ZNF569: variants seen among roughly 807,000 people sequenced by gnomAD.
ZNF569 encodes zinc finger protein 569, also known as DNA-binding protein.
ZNF569 carries 38 observed loss-of-function variants against 56.3 expected under a neutral mutation model. The ratio of observed to expected loss-of-function variants is 0.68; its 90% CI spans 0.52 to 0.88. The LOEUF (loss-of-function observed/expected upper bound fraction) is 0.88. Among genes scored for constraint, ZNF569 ranks in the 40% least tolerant of loss-of-function variants. The probability of loss-of-function intolerance (pLI) is 0.00; values close to 1 mark genes in which losing one functional copy is unlikely to be tolerated. For missense variants in ZNF569, 666 were observed against 809.2 expected, an observed-to-expected ratio of 0.82 and a Z score of 2.15; for synonymous variants, 241 against 262.9, an observed-to-expected ratio of 0.92 and a Z score of 0.81.
At chr19:37,415,797 G>A (rs546095290) in intron 5 of ZNF569, among the ~76,000 whole-genome samples, 20 of 151,194 alleles carry the variant, frequency 1.3e-4, no homozygotes, top group South Asian at 2.1e-4. Context: ...GGAGAATGGC[G>A]TGAACCTGTG....
intron 1 of ZNF569, among the ~76,000 whole-genome samples, 163 bp from the exon 2 acceptor site, chr19:37,465,636 T>C (rs569611851): frequency 9.2e-5 from 14 of 152,346 alleles, no homozygotes; most frequent in African/African-American, 2.9e-4. Context: ...AGAATATCCA[T>C]TGTTATCAAC....
At chr19:37,444,567 A>C (rs542626003) in intron 3 of ZNF569, among the ~76,000 whole-genome samples, 2 of 152,280 alleles carry the variant, frequency 1.3e-5, no homozygotes, top group East Asian at 3.9e-4. Context: ...GTAACACTAC[A>C]ATGTTTTCAT....
intron 3 of ZNF569, among the ~76,000 whole-genome samples, chr19:37,434,888 A>G (rs1406535734): frequency 6.6e-6 from 1 of 152,228 alleles, no homozygotes; most frequent in Non-Finnish European, 1.5e-5. Context: ...TACAAGAACT[A>G]ATGATAATCC....
chr19:37,425,818 CATT>C (rs1568723761), intron 5 of ZNF569, 47 bp downstream of exon 5: 1 of 1,400,188 alleles, frequency 7.1e-7, no homozygotes, highest in South Asian at 1.2e-5. Flanking sequence ...ACTGATTAAT[CATT>C]AATAGGCCCT....
chr19:37,416,617 CATT>C (rs1426633916), intron 5 of ZNF569, among the ~76,000 whole-genome samples: 26 of 152,160 alleles, frequency 1.7e-4, no homozygotes, highest in South Asian at 1.5e-3. Context: ...CTATGTAAAT[CATT>C]GTTATACTAT....
intron 2 of ZNF569, among the ~76,000 whole-genome samples, chr19:37,459,930 C>G (rs528904310): frequency 6.6e-6 from 1 of 151,546 alleles, no homozygotes; most frequent in East Asian, 1.9e-4. Context: ...TAGGGTGACA[C>G]TAAAATTTTT....
Position 37,413,569 on chromosome 19 carries a change from G to A in ZNF569, c.1089C>T (p.Phe363=). 2 of 1,613,434 alleles carry A rather than the reference G, an allele frequency of 1.2e-6. No individual in the cohort carries two copies. Among genetic ancestry groups the A allele is most frequent in the South Asian group, 2.2e-5 (2 of 90,970 alleles). Residue 363 remains phenylalanine (F), a synonymous_variant, in exon 6 of 6, where the codon TTC becomes TTT. Coordinates refer to ENST00000316950, the MANE Select transcript of ZNF569 (RefSeq NM_152484.3). ...GTATAATAAGCATGGAAAACTGAGA[G>A]AAGGCTTTACCACATTTATCACATT... The part of the protein sequence containing the change: ...PYKCDKCGKA[F]SQFSMLIIHV...
chr19:37,424,518 A>G (rs1297041345), intron 5 of ZNF569, among the ~76,000 whole-genome samples: 1 of 152,064 alleles, frequency 6.6e-6, no homozygotes, highest in Non-Finnish European at 1.5e-5. Flanking sequence ...TTTGTACTAC[A>G]AAAGTGTACA....
intron 3 of ZNF569, among the ~76,000 whole-genome samples, chr19:37,427,077 G>C (rs2041145591): frequency 1.3e-5 from 2 of 152,200 alleles, no homozygotes; most frequent in African/African-American, 4.8e-5. Flanking sequence ...CAGCACTTTA[G>C]GAGACTGAGA....
chr19:37,468,710 G>C (rs2041895649), upstream of ZNF569, among the ~76,000 whole-genome samples: 2 of 152,170 alleles, frequency 1.3e-5, no homozygotes. Flanking sequence ...GTTTCACCAT[G>C]TTGGTCAGGC....
chr19:37,418,635 C>T (rs1209447329), intron 5 of ZNF569, among the ~76,000 whole-genome samples: 1 of 152,000 alleles, frequency 6.6e-6, no homozygotes, highest in East Asian at 1.9e-4. Flanking sequence ...AGAAGTCATG[C>T]ACCATGAAAG....
chr19:37,423,700 A>T (rs1451518747), intron 5 of ZNF569, among the ~76,000 whole-genome samples: 4 of 152,226 alleles, frequency 2.6e-5, no homozygotes, highest in African/African-American at 7.2e-5. Context: ...GTTCATACAA[A>T]TTAAGAACTT....
intron 3 of ZNF569, among the ~76,000 whole-genome samples, chr19:37,429,493 G>T (rs549553367): frequency 6.6e-6 from 1 of 152,338 alleles, no homozygotes; most frequent in East Asian, 1.9e-4. Flanking sequence ...TCTATCACAG[G>T]CAGTCAAGTG....
chr19:37,461,570 G>T (rs1339750863), intron 2 of ZNF569, among the ~76,000 whole-genome samples: 1 of 152,104 alleles, frequency 6.6e-6, no homozygotes, highest in Non-Finnish European at 1.5e-5. Flanking sequence ...CTCCCAAAGT[G>T]CTGGGATTAC....
intron 2 of ZNF569, among the ~76,000 whole-genome samples, chr19:37,446,670 T>C (rs1389831849): frequency 6.7e-6 from 1 of 150,148 alleles, no homozygotes; most frequent in Non-Finnish European, 1.5e-5. Flanking sequence ...TTCTAAAAGA[T>C]AACATTCGAA....
At chr19:37,461,270 TAAG>T (rs1363272871) in intron 2 of ZNF569, among the ~76,000 whole-genome samples, 2 of 151,960 alleles carry the variant, frequency 1.3e-5, no homozygotes, top group African/African-American at 4.8e-5. Flanking sequence ...GGTATAGTGG[TAAG>T]AAGAACTGTT....
chr19:37,435,678 G>A (rs1409530539), intron 3 of ZNF569, among the ~76,000 whole-genome samples: 1 of 151,976 alleles, frequency 6.6e-6, no homozygotes, highest in Non-Finnish European at 1.5e-5. Flanking sequence ...TCATGCAAAT[G>A]GAAACCAAAA....
rs57159479 is a variant in ZNF569 at position 37,430,194 on chromosome 19, C to CA, written c.16-3817dup. Among the ~76,000 whole-genome samples, 489 of 133,178 alleles carry CA rather than the reference C, an allele frequency of 3.7e-3. 1 individual carries two copies. Among genetic ancestry groups the CA allele is most frequent in the Non-Finnish European group, 5.6e-3 (335 of 59,986 alleles). 87.4% of individuals were successfully genotyped at this position (133,178 alleles called of 152,430 possible). On this transcript the variant is annotated intron_variant, in intron 3 of 5. Coordinates refer to ENST00000316950, the MANE Select transcript of ZNF569 (RefSeq NM_152484.3). ...TGGGTGACAGAGTGAGACCCTATCT[C>CA]AAAAAAAAAAAAAAGAATATAGACT...
chr19:37,445,712 A>G (rs2041482519), intron 2 of ZNF569, among the ~76,000 whole-genome samples: 1 of 152,238 alleles, frequency 6.6e-6, no homozygotes, highest in African/African-American at 2.4e-5. Flanking sequence ...GCCAAAAAAA[A>G]TAAAATGCTT....
Sources: allele counts gnomAD v4.1 joint callset (sites outside exome capture counted in the v4.1 genomes callset), GRCh38; gene constraint gnomAD v4.1.1; transcripts MANE v1.5; gene names NCBI Gene and HGNC (gene_info 2026-07-23, HGNC 2026-07-21).